Variants in AGFG1 observed in about 807,000 individuals in gnomAD.
The protein encoded by AGFG1 is ArfGAP with FG repeats 1.
A neutral mutation model predicts 60.6 loss-of-function variants in AGFG1; 10 were observed. The observed-to-expected ratio is 0.16, with a 90% CI of 0.10 to 0.28. The LOEUF (loss-of-function observed/expected upper bound fraction) is 0.28. Ranked by LOEUF, AGFG1 falls within the 10% of genes least tolerant of loss-of-function variation. AGFG1 has a pLI of 1.00. For missense variants in AGFG1, 537 were observed against 676.5 expected (o/e 0.79, Z 2.29); for synonymous variants, 247 against 242.9 (o/e 1.02, Z -0.16).
intron 2 of AGFG1, among the ~76,000 whole-genome samples, chr2:227,506,908 GT>G (rs1235748860): frequency 4.6e-5 from 7 of 152,106 alleles, no homozygotes; most frequent in Non-Finnish European, 2.9e-5. Flanking sequence ...CTATAAACCG[GT>G]GGTTGGCTGT....
At chr2:227,497,503 C>G (rs1439582608) in intron 2 of AGFG1, among the ~76,000 whole-genome samples, 1 of 152,008 alleles carries the variant, frequency 6.6e-6, no homozygotes, top group African/African-American at 2.4e-5. Context: ...TTTTATACCT[C>G]AGATACTAAC....
At chr2:227,527,172 T>G (rs943733124) in intron 5 of AGFG1, among the ~76,000 whole-genome samples, 2 of 152,222 alleles carry the variant, frequency 1.3e-5, no homozygotes, top group Non-Finnish European at 2.9e-5. Flanking sequence ...AGATGCTGGC[T>G]TTCTTGCTTA....
intron 2 of AGFG1, among the ~76,000 whole-genome samples, chr2:227,499,440 G>A (rs1233999994): frequency 6.6e-6 from 1 of 152,060 alleles, no homozygotes; most frequent in African/African-American, 2.4e-5. Flanking sequence ...AGGAGTTCGA[G>A]TCTAGCTTGG....
intron 1 of AGFG1, among the ~76,000 whole-genome samples, chr2:227,484,480 A>G (rs1034169047): frequency 2.6e-5 from 4 of 152,090 alleles, no homozygotes; most frequent in South Asian, 2.1e-4. Flanking sequence ...CGCCTGGCTC[A>G]TTTAAGTGTT....
In AGFG1 at chr2:227,490,526, C is replaced by T. The variant is rs976481169; in HGVS notation, c.168-1021C>T. ...CCGGGAGGTGGAGCTTGCAGTGAGC[C>T]GAGACTGCGCCACTGCACTCCAGCC... On this transcript the variant is annotated intron_variant, in intron 1 of 12. Transcript: ENST00000310078. Among the ~76,000 whole-genome samples the T allele has an allele frequency of 8.0e-5, 12 of 149,216 alleles. No individual in the cohort carries two copies. In the South Asian group the frequency reaches 8.4e-4, roughly 10 times the overall value.
At chr2:227,480,844 T>G (rs1690435768) in intron 1 of AGFG1, among the ~76,000 whole-genome samples, 1 of 152,220 alleles carries the variant, frequency 6.6e-6, no homozygotes, top group African/African-American at 2.4e-5. Flanking sequence ...TATTCTGCCT[T>G]CTTTTTAAAA....
intron 6 of AGFG1, chr2:227,532,184 A>G (rs979677589): frequency 2.6e-6 from 4 of 1,549,008 alleles, no homozygotes; most frequent in South Asian, 1.2e-5. Context: ...AATTTACTTC[A>G]GCTTTTCCTC....
intron 2 of AGFG1, among the ~76,000 whole-genome samples, chr2:227,515,738 A>T (rs560022421): frequency 6.6e-6 from 1 of 152,142 alleles, no homozygotes; most frequent in Non-Finnish European, 1.5e-5. Context: ...TAGTTAGTTC[A>T]TTCTCTCCCT....
chr2:227,531,264 C>T (rs1559190605), intron 6 of AGFG1, 54 bp downstream of exon 6: 1 of 1,569,244 alleles, frequency 6.4e-7, no homozygotes, highest in East Asian at 2.3e-5. Context: ...ACAAAACTCT[C>T]TAAATGTAGT....
intron 2 of AGFG1, among the ~76,000 whole-genome samples, chr2:227,517,490 T>C (rs1691688064): frequency 6.6e-6 from 1 of 152,210 alleles, no homozygotes; most frequent in African/African-American, 2.4e-5. Context: ...CATGATGGTC[T>C]CGATCTCCTG....
At chr2:227,553,036 C>A (rs550477243) in intron 11 of AGFG1, among the ~76,000 whole-genome samples, 89 of 151,046 alleles carry the variant, frequency 5.9e-4, no homozygotes, top group Middle Eastern at 3.5e-3. Flanking sequence ...AAATATGGAC[C>A]CTGGAAGAGC....
chr2:227,519,987 T>G lies in AGFG1; in HGVS notation c.301T>G (p.Ser101Ala), dbSNP rs765291061. Residue 101 changes from serine (S) to alanine (A), a missense_variant, in exon 3 of 13, where the codon TCT becomes GCT. Physicochemically the swap from Ser to Ala is moderately conservative, Grantham distance 99. Coordinates refer to ENST00000310078, the MANE Select transcript of AGFG1 (RefSeq NM_004504.5). ...QIWLGLFDDR[S>A]SAIPDFRDPQ... The stretch of plus-strand genomic sequence containing the variant: ...TTGGCTAGGATTATTTGATGATAGA[T>G]CTTCAGCAATTCCAGACTTCAGGGA... 6.3e-7 allele frequency: 1 copy of G among 1,587,042 alleles called. No individual in the cohort carries two copies. The highest frequency in any genetic ancestry group is 1.2e-5 in the South Asian group (1 of 86,118).
intron 3 of AGFG1, among the ~76,000 whole-genome samples, chr2:227,522,030 A>G (rs1691842108): frequency 6.6e-6 from 1 of 152,330 alleles, no homozygotes; most frequent in South Asian, 2.1e-4. Flanking sequence ...GGTTTCTAAC[A>G]TGGAATAAGC....
chr2:227,512,732 T>A (rs1691532852), intron 2 of AGFG1, among the ~76,000 whole-genome samples: 1 of 152,234 alleles, frequency 6.6e-6, no homozygotes, highest in Non-Finnish European at 1.5e-5. Context: ...TACTTGTTCA[T>A]CAAATTTTCA....
At chr2:227,528,316 AT>A (rs1692057067) in intron 5 of AGFG1, among the ~76,000 whole-genome samples, 1 of 152,162 alleles carries the variant, frequency 6.6e-6, no homozygotes, top group African/African-American at 2.4e-5. Context: ...AGGATAAGAA[AT>A]TTTGGGTTTC....
rs1452935319 is a variant in AGFG1, at chr2:227,472,406, C to T, written c.-16C>T. 6 of 1,450,566 alleles carry T rather than the reference C, an allele frequency of 4.1e-6. No individual in the cohort carries two copies. The highest frequency in any genetic ancestry group is 6.4e-5 in the East Asian group (2 of 31,094). 89.9% of individuals were successfully genotyped at this position (1,450,566 alleles called of 1,614,324 possible). A position where few individuals can be genotyped will look rare whatever the true frequency, so the allele number is the denominator to read the frequency against. On this transcript the variant is annotated 5_prime_UTR_variant, in exon 1 of 13. Transcript: ENST00000310078. ...GGCTCCCGGCCCTGCCGGCCTCCTC[C>T]CTTGGCGCCGCGGCCATGGCGGCCA...
In AGFG1 at chr2:227,557,547, A is replaced by C. The variant is rs1422130918; in HGVS notation, c.*3052A>C. Reference sequence around the variant, plus strand: ...TTTGTTGATGTAGCTTGTATCTCTGAGAATTTATTGTATTAAAATTAATAC... The same window carrying C: ...TTTGTTGATGTAGCTTGTATCTCTGCGAATTTATTGTATTAAAATTAATAC... On this transcript the variant is annotated 3_prime_UTR_variant, in exon 13 of 13. Transcript: ENST00000310078. 1 of 152,060 alleles carries C rather than the reference A, an allele frequency of 6.6e-6. No individual in the cohort carries two copies. The highest frequency in any genetic ancestry group is 1.5e-5 in the Non-Finnish European group (1 of 68,036). 9.4% of individuals were successfully genotyped at this position (152,060 alleles called of 1,614,324 possible).
At chr2:227,538,327 C>T (rs1048752406) in intron 10 of AGFG1, among the ~76,000 whole-genome samples, 7 of 152,136 alleles carry the variant, frequency 4.6e-5, no homozygotes, top group Admixed American at 2.6e-4. Context: ...AACTTGTGTT[C>T]GAATTCTGAT....
rs917337778 is a variant in AGFG1 at position 227,556,572 on chromosome 2, G to A, written c.*2077G>A. On this transcript the variant is annotated 3_prime_UTR_variant, in exon 13 of 13. Coordinates refer to ENST00000310078, the MANE Select transcript of AGFG1 (RefSeq NM_004504.5). Reference sequence around the variant, plus strand: ...TTGTATCGGGTCCCAGTTGATTCATGTGTACAAAGTTATGCTACCTAATTA... The same window carrying A: ...TTGTATCGGGTCCCAGTTGATTCATATGTACAAAGTTATGCTACCTAATTA... The A allele has an allele frequency of 1.0e-4, 16 of 152,576 alleles. No homozygotes were observed. The highest frequency in any genetic ancestry group is 3.9e-4 in the African/African-American group (16 of 41,410). 9.5% of individuals were successfully genotyped at this position (152,576 alleles called of 1,614,324 possible).
Sources: gnomAD v4.1 joint callset for allele counts (sites outside exome capture counted in the v4.1 genomes callset) on GRCh38, gnomAD v4.1.1 for gene constraint, MANE v1.5 for transcripts, NCBI Gene and HGNC (gene_info 2026-07-23, HGNC 2026-07-21) for gene names.